The following NOD1 variants were observed in gnomAD, a reference collection of about 807,000 sequenced individuals.
NOD1 encodes the protein nucleotide-binding oligomerization domain-containing protein 1.
Under a neutral mutation model 81.2 loss-of-function variants are expected in NOD1, and 70 were observed. The observed-to-expected ratio is 0.86, with a 90% CI of 0.71 to 1.05. NOD1 has a LOEUF of 1.05. Among genes scored for constraint, NOD1 ranks in the 50% least tolerant of loss-of-function variants. NOD1 has a pLI of 0.00. For missense variants in NOD1, 1,233 were observed against 1,228.0 expected, an observed-to-expected ratio of 1.00 and a Z score of -0.06; for synonymous variants, 508 against 526.9, an observed-to-expected ratio of 0.96 and a Z score of 0.49.
chr7:30,471,928 C>A (rs946359961), intron 1 of NOD1, among the ~76,000 whole-genome samples: 1 of 152,220 alleles, frequency 6.6e-6, no homozygotes, highest in Non-Finnish European at 1.5e-5. Context: ...GTGGGCTGGG[C>A]AGGCCTGGTT....
Position 30,452,428 on chromosome 7 carries a change from A to G in NOD1, c.989T>C (p.Leu330Pro). ...GACCTCGATGCCTGTGCGGGCTGTG[A>G]GCAGCTTGCTAGCCCCCTTGAGCAG... ...GKLLKGASKLLTARTGIEVPR... is the reference protein window; with the variant it reads ...GKLLKGASKLPTARTGIEVPR... The change falls in exon 6 of 14, where the codon CTC (leucine) becomes CCC (proline). Residue 330 changes from leucine (L) to proline (P), a missense_variant. Coordinates refer to ENST00000222823, the MANE Select transcript of NOD1 (RefSeq NM_006092.4). 1.2e-6 allele frequency: 2 copies of G among 1,613,332 alleles called. No homozygotes were observed. The highest frequency in any genetic ancestry group is 1.7e-6 in the Non-Finnish European group (2 of 1,180,000).
Position 30,457,026 on chromosome 7 carries a change from G to T in NOD1, c.-105C>A. On this transcript the variant is annotated 5_prime_UTR_variant, in exon 4 of 14. Coordinates refer to ENST00000222823, the MANE Select transcript of NOD1 (RefSeq NM_006092.4). ...TCAGGCCGCGCCCTCCAGGGCCCCT[G>T]CTACTCTGCGCAGCCCCTGAAGAGA... is the stretch of plus-strand genomic sequence containing the variant. 1.2e-6 allele frequency: 1 copy of T among 855,374 alleles called. No homozygotes were observed. The highest frequency in any genetic ancestry group is 1.9e-6 in the Non-Finnish European group (1 of 515,268). The allele number at this position is 855,374 out of a possible 1,614,324, so 53.0% of individuals were successfully genotyped here.
intron 13 of NOD1, among the ~76,000 whole-genome samples, chr7:30,428,162 C>T (rs1455075323): frequency 2.6e-5 from 4 of 152,202 alleles, no homozygotes; most frequent in Non-Finnish European, 4.4e-5. Context: ...CAGCCTTGAT[C>T]TCCCATGCAT....
At chr7:30,434,232 G>T (rs1784191010) in intron 11 of NOD1, among the ~76,000 whole-genome samples, 1 of 152,220 alleles carries the variant, frequency 6.6e-6, no homozygotes, top group Admixed American at 6.5e-5. Flanking sequence ...TAGAGTGGTT[G>T]TGAGGCTGAG....
At position 30,451,470 on chromosome 7, in the gene NOD1, C is replaced by A; in HGVS notation, c.1947G>T (p.Met649Ile). 1.9e-6 allele frequency: 3 copies of A among 1,613,358 alleles called. No homozygotes were observed. Among genetic ancestry groups the A allele is most frequent in the Non-Finnish European group, 2.5e-6 (3 of 1,179,988 alleles). The part of the protein sequence containing the change: ...QVESFNQVQA[M>I]PTFIWMLRCI... ...AGCGCAGCATCCAGATGAACGTGGG[C>A]ATGGCCTGCACCTGGTTGAAGCTTT... Residue 649 changes from methionine (M) to isoleucine (I), a missense_variant, in exon 6 of 14, where the codon ATG becomes ATT. Coordinates refer to ENST00000222823, the MANE Select transcript of NOD1 (RefSeq NM_006092.4). This position sits in a 1 kb window ranked among gnomAD's most constrained non-coding sequence, Gnocchi z 4.2.
At chr7:30,453,162 G>A (rs1785975730) in intron 5 of NOD1, 122 bp from the exon 6 acceptor site, 1 of 1,058,324 alleles carries the variant, frequency 9.4e-7, no homozygotes, top group Non-Finnish European at 1.3e-6. Context: ...CCTGGGCCCT[G>A]AGGCCAGCGC....
At chr7:30,450,806 T>C (rs566821718) in intron 6 of NOD1, among the ~76,000 whole-genome samples, 6 of 152,338 alleles carry the variant, frequency 3.9e-5, no homozygotes, top group Admixed American at 2.6e-4. Flanking sequence ...TCTCTGTGCC[T>C]CTACTTCCTT....
rs1210074952 is a variant in NOD1, at chr7:30,425,377, T to C, written c.*261A>G. On this transcript the variant is annotated 3_prime_UTR_variant, in exon 14 of 14. Transcript: ENST00000222823. ...AGATAAAAATAATTATAATAGGCAATAAAGTCTCTTCACAGTGTATTTACT... is the reference window on the plus strand; with the variant it reads ...AGATAAAAATAATTATAATAGGCAACAAAGTCTCTTCACAGTGTATTTACT... 4 of 475,142 alleles carry C rather than the reference T, an allele frequency of 8.4e-6. No homozygotes were observed. Among genetic ancestry groups the C allele is most frequent in the African/African-American group, 1.9e-5 (1 of 51,532 alleles). 29.4% of individuals were successfully genotyped at this position (475,142 alleles called of 1,614,324 possible).
Position 30,429,423 on chromosome 7 carries a change from C to T in NOD1, c.2740G>A (p.Ala914Thr). Residue 914 changes from alanine (A) to threonine (T), a missense_variant, in exon 13 of 14, where the codon GCC (alanine) becomes ACC (threonine). Transcript: ENST00000222823. ...CTCTGTAACGCATCTGCCAGCTGGGCAGTCCCCTTAGCTGTGATCTGATTC... is the reference window on the plus strand; with the variant it reads ...CTCTGTAACGCATCTGCCAGCTGGGTAGTCCCCTTAGCTGTGATCTGATTC... ...IQNQITAKGT[A>T]QLADALQSNT... 6.2e-7 allele frequency: 1 copy of T among 1,614,164 alleles called. No individual in the cohort carries two copies. Among genetic ancestry groups the T allele is most frequent in the South Asian group, 1.1e-5 (1 of 91,084 alleles).
At chr7:30,454,275 G>A (rs1028740669) in intron 5 of NOD1, among the ~76,000 whole-genome samples, 3 of 152,226 alleles carry the variant, frequency 2.0e-5, no homozygotes, top group African/African-American at 2.4e-5. Flanking sequence ...TCAAAGTGGA[G>A]AGTTCAAAAG....
At chr7:30,449,772 C>CATATCCT (rs1468681119) in intron 6 of NOD1, among the ~76,000 whole-genome samples, 10 of 152,228 alleles carry the variant, frequency 6.6e-5, no homozygotes, top group Non-Finnish European at 1.5e-4. Flanking sequence ...GTGTGCTTCC[C>CATATCCT]GTGGTTACCC....
At chr7:30,470,724 C>T (rs1013987683) in intron 1 of NOD1, among the ~76,000 whole-genome samples, 1 of 152,158 alleles carries the variant, frequency 6.6e-6, no homozygotes, top group African/African-American at 2.4e-5. Flanking sequence ...TTGGTTTTAT[C>T]CAGGCTTTGA....
chr7:30,460,880 G>A (rs1354223185), intron 1 of NOD1, among the ~76,000 whole-genome samples: 5 of 152,212 alleles, frequency 3.3e-5, no homozygotes, highest in Admixed American at 3.3e-4. Flanking sequence ...GTCCCCTCCT[G>A]CAATGTGATC....
intron 13 of NOD1, among the ~76,000 whole-genome samples, chr7:30,427,065 C>T (rs1783522638): frequency 6.6e-6 from 1 of 152,130 alleles, no homozygotes; most frequent in Non-Finnish European, 1.5e-5. Flanking sequence ...CCATGTTGTT[C>T]ACCACTGGAT....
At chr7:30,462,116 G>A (rs568464408) in intron 1 of NOD1, among the ~76,000 whole-genome samples, 4 of 152,184 alleles carry the variant, frequency 2.6e-5, no homozygotes, top group African/African-American at 4.8e-5. Flanking sequence ...TGAGGTCACT[G>A]AAAATTCTGC....
Position 30,425,574 on chromosome 7 carries a change from G to T in NOD1, c.*64C>A. 3 of 1,193,090 alleles carry T rather than the reference G, an allele frequency of 2.5e-6. No individual in the cohort carries two copies. The highest frequency in any genetic ancestry group is 3.8e-6 in the Non-Finnish European group (3 of 795,638). The allele number at this position is 1,193,090 out of a possible 1,614,324, so 73.9% of individuals were successfully genotyped here. ...CTTTAAGACACTGACACAAAAGACT[G>T]CCCAGAGTGGCATTTGCTGCTGAGG... On this transcript the variant is annotated 3_prime_UTR_variant, in exon 14 of 14. Coordinates refer to ENST00000222823, the MANE Select transcript of NOD1 (RefSeq NM_006092.4).
At chr7:30,428,191 T>C (rs1371399755) in intron 13 of NOD1, among the ~76,000 whole-genome samples, 2 of 152,154 alleles carry the variant, frequency 1.3e-5, no homozygotes, top group Non-Finnish European at 2.9e-5. Flanking sequence ...CCACATCAGC[T>C]TCCTGAGTAG....
rs2128052534 is a variant in NOD1, at chr7:30,451,809, G to A, written c.1608C>T (p.Gly536=). 6.2e-7 allele frequency: 1 copy of A among 1,613,804 alleles called. No individual in the cohort carries two copies. Among genetic ancestry groups the A allele is most frequent in the Non-Finnish European group, 8.5e-7 (1 of 1,180,002 alleles). The part of the protein sequence containing the change: ...AFFLVLDDRV[G]TQELLRFFQE... ...GGAAGAACCTGAGCAGCTCCTGAGT[G>A]CCCACCCTGTCGTCCAGCACGAGGA... is the stretch of plus-strand genomic sequence containing the variant. The change falls in exon 6 of 14, where the codon GGC becomes GGT. Residue 536 remains glycine, a synonymous_variant. Coordinates refer to ENST00000222823, the MANE Select transcript of NOD1 (RefSeq NM_006092.4). This position sits in a 1 kb window ranked among gnomAD's most constrained non-coding sequence, Gnocchi z 4.2.
At chr7:30,477,856 A>T (rs1788950146) in intron 1 of NOD1, among the ~76,000 whole-genome samples, 1 of 145,620 alleles carries the variant, frequency 6.9e-6, no homozygotes, top group Non-Finnish European at 1.5e-5. Flanking sequence ...GCCAGAAGTC[A>T]TCAAGGCCAT....
Sources: allele counts gnomAD v4.1 joint callset (sites outside exome capture counted in the v4.1 genomes callset), GRCh38; gene constraint gnomAD v4.1.1; non-coding constraint Gnocchi (gnomAD v3.1); transcripts MANE v1.5; gene names NCBI Gene and HGNC (gene_info 2026-07-23, HGNC 2026-07-21).